The following FAT3 variants were observed in gnomAD, a reference collection of about 807,000 sequenced individuals.
FAT3 encodes protocadherin Fat 3.
Under a neutral mutation model 310.2 loss-of-function variants are expected in FAT3, and 95 were observed. The observed-to-expected ratio is 0.31, with a 90% CI of 0.26 to 0.36. FAT3 has a LOEUF of 0.36. Among genes scored for constraint, FAT3 ranks in the 10% least tolerant of loss-of-function variants. FAT3 has a pLI of 1.00. For synonymous variants in FAT3, 2,314 were observed against 2,192.9 expected (o/e 1.06, Z -1.54); for missense variants, 5,408 against 5,715.6 (o/e 0.95, Z 1.74).
chr11:92,311,751 A>C (rs748844278), intron 1 of FAT3, among the ~76,000 whole-genome samples: 12 of 152,156 alleles, frequency 7.9e-5, no homozygotes, highest in Non-Finnish European at 1.6e-4. Flanking sequence ...GAATAGGTAG[A>C]GTAGGGCCCA....
intron 3 of FAT3, among the ~76,000 whole-genome samples, chr11:92,560,293 T>C (rs548629351): frequency 6.6e-6 from 1 of 152,214 alleles, no homozygotes; most frequent in East Asian, 1.9e-4. Context: ...TGAGCTATTT[T>C]TCTTCTTATT....
chr11:92,583,866 A>ATTCTCTC (rs201659223), intron 3 of FAT3, among the ~76,000 whole-genome samples: 2,907 of 152,148 alleles, frequency 0.019, 42 homozygotes, highest in Non-Finnish European at 0.031. Flanking sequence ...GGTTTCACAT[A>ATTCTCTC]GCGTATTAAA....
intron 1 of FAT3, among the ~76,000 whole-genome samples, chr11:92,244,072 C>CT (rs1230444293): frequency 6.6e-6 from 1 of 152,060 alleles, no homozygotes; most frequent in Non-Finnish European, 1.5e-5. Context: ...GTCAGAATCT[C>CT]TTTTTTGTGT....
intron 3 of FAT3, among the ~76,000 whole-genome samples, chr11:92,635,489 G>C (rs549824888): frequency 6.6e-6 from 1 of 152,162 alleles, no homozygotes; most frequent in Non-Finnish European, 1.5e-5. Flanking sequence ...AGGAATCACT[G>C]TCTGATGAGT....
chr11:92,455,014 T>C (rs964810033), intron 2 of FAT3, among the ~76,000 whole-genome samples: 1 of 152,116 alleles, frequency 6.6e-6, no homozygotes, highest in Non-Finnish European at 1.5e-5. Flanking sequence ...CATATGCTTA[T>C]AGAACAGGGA....
At chr11:92,511,025 G>A (rs772037788) in intron 2 of FAT3, among the ~76,000 whole-genome samples, 1 of 152,224 alleles carries the variant, frequency 6.6e-6, no homozygotes, top group Non-Finnish European at 1.5e-5. Flanking sequence ...GGGCCTGAAG[G>A]CACTGATTCT....
chr11:92,701,575 A>G (rs1944097840), intron 4 of FAT3, among the ~76,000 whole-genome samples: 2 of 152,298 alleles, frequency 1.3e-5, no homozygotes, highest in East Asian at 3.9e-4. Flanking sequence ...TATTGGCCTG[A>G]TCTTCTCTTC....
At position 92,881,555 on chromosome 11, in the gene FAT3, C is replaced by T. The variant is rs377216448; in HGVS notation, c.12281+671C>T. 1.1e-4 allele frequency among the ~76,000 whole-genome samples: 17 copies of T among 152,190 alleles called. No homozygotes were observed. In the East Asian group the frequency reaches 1.4e-3, roughly 12 times the overall value. On this transcript the variant is annotated intron_variant, in intron 23 of 27. Coordinates refer to ENST00000525166, the MANE Select transcript of FAT3 (RefSeq NM_001367949.2). ...TTGGATGTAATTTAAAGTAATAAAGCGGCATTTATTTTTAAATACTCTGTG... is the reference window on the plus strand; with the variant it reads ...TTGGATGTAATTTAAAGTAATAAAGTGGCATTTATTTTTAAATACTCTGTG...
chr11:92,423,310 A>G (rs1379800563), intron 2 of FAT3, among the ~76,000 whole-genome samples: 2 of 152,188 alleles, frequency 1.3e-5, no homozygotes, highest in African/African-American at 4.8e-5. Flanking sequence ...GACACATAAT[A>G]AAATATAAAA....
intron 2 of FAT3, among the ~76,000 whole-genome samples, chr11:92,442,844 A>G (rs370790429): frequency 1.8e-4 from 28 of 152,312 alleles, no homozygotes; most frequent in African/African-American, 5.3e-4. Context: ...GTTGAGATAC[A>G]TGAGCTAAGG....
chr11:92,416,171 C>T (rs1950407678), intron 2 of FAT3, among the ~76,000 whole-genome samples: 1 of 142,928 alleles, frequency 7.0e-6, no homozygotes, highest in African/African-American at 2.6e-5. Flanking sequence ...GTCAGGAGTT[C>T]AAGACCAGCC....
intron 11 of FAT3, among the ~76,000 whole-genome samples, chr11:92,805,790 C>G (rs1352232098): frequency 6.6e-6 from 1 of 152,140 alleles, no homozygotes; most frequent in African/African-American, 2.4e-5. Context: ...CTTTCTACTA[C>G]TATATAAAAT....
At chr11:92,604,887 C>T (rs1399126164) in intron 3 of FAT3, among the ~76,000 whole-genome samples, 1 of 152,190 alleles carries the variant, frequency 6.6e-6, no homozygotes, top group African/African-American at 2.4e-5. Flanking sequence ...TAGCTAAGTG[C>T]CCATGAACAA....
intron 3 of FAT3, among the ~76,000 whole-genome samples, chr11:92,527,190 A>G (rs918750039): frequency 2.0e-5 from 3 of 152,190 alleles, no homozygotes; most frequent in African/African-American, 4.8e-5. Flanking sequence ...CTTTCTAACT[A>G]CGAAACACCA....
intron 16 of FAT3, 86 bp from the exon 17 acceptor site, chr11:92,837,577 C>G (rs1173881489): frequency 6.6e-7 from 1 of 1,507,282 alleles, no homozygotes; most frequent in Non-Finnish European, 9.0e-7. Flanking sequence ...TAACAAAGCA[C>G]AGCCTGTAGC....
At chr11:92,308,602 A>T (rs559796258) in intron 1 of FAT3, among the ~76,000 whole-genome samples, 1 of 152,340 alleles carries the variant, frequency 6.6e-6, no homozygotes, top group South Asian at 2.1e-4. Context: ...GAATTGTGTT[A>T]TGAAGAACCT....
chr11:92,422,730 C>G (rs1315398522), intron 2 of FAT3, among the ~76,000 whole-genome samples: 6 of 152,012 alleles, frequency 3.9e-5, no homozygotes, highest in Non-Finnish European at 8.8e-5. Context: ...GGATGTAGAG[C>G]CTGGAATGTG....
intron 6 of FAT3, among the ~76,000 whole-genome samples, chr11:92,769,787 C>T (rs1463411668): frequency 6.6e-6 from 1 of 152,240 alleles, no homozygotes; most frequent in African/African-American, 2.4e-5. Flanking sequence ...AGGAAGGCTG[C>T]TTTGACCCTT....
In FAT3 at chr11:92,895,196, T is replaced by C. The variant is rs889942495; in HGVS notation, c.*4083T>C. On this transcript the variant is annotated 3_prime_UTR_variant, in exon 28 of 28. Transcript: ENST00000525166. The stretch of plus-strand genomic sequence containing the variant: ...AGTTTCAAACTATGGGAAATGGAGA[T>C]TTGAAGAGGCATTTATTCCTTGTCA... The C allele has an allele frequency of 2.0e-5, 3 of 152,352 alleles. 1 individual carries two copies. The South Asian group carries it at 6.2e-4, about 32-fold the overall frequency. The allele number at this position is 152,352 out of a possible 1,614,324, so 9.4% of individuals were successfully genotyped here. A position where few individuals can be genotyped will look rare whatever the true frequency, so the allele number is the denominator to read the frequency against.
Sources: allele counts gnomAD v4.1 joint callset (sites outside exome capture counted in the v4.1 genomes callset), GRCh38; gene constraint gnomAD v4.1.1; transcripts MANE v1.5; gene names NCBI Gene and HGNC (gene_info 2026-07-23, HGNC 2026-07-21).